The following CTHRC1 variants were observed in gnomAD, a reference collection of about 807,000 sequenced individuals.
The protein encoded by CTHRC1 is collagen triple helix repeat-containing protein 1.
In CTHRC1, 21 loss-of-function variants were observed where a neutral mutation model predicts 25.9. The observed-to-expected ratio is 0.81, with a 90% confidence interval of 0.57 to 1.17. The LOEUF (loss-of-function observed/expected upper bound fraction) is 1.17. Ranked by LOEUF, CTHRC1 falls within the 50% of genes most tolerant of loss-of-function variation. CTHRC1 has a pLI of 0.00. For missense variants in CTHRC1, 281 were observed against 304.3 expected (o/e 0.92, Z 0.57); for synonymous variants, 109 against 113.1 (o/e 0.96, Z 0.23).
intron 1 of CTHRC1, chr8:103,372,411 C>T (rs973504269): frequency 5.1e-5 from 75 of 1,458,036 alleles, no homozygotes; most frequent in Admixed American, 1.2e-4. Context: ...TGGACAACCA[C>T]AGCTGGGGCT....
chr8:103,374,902 A>G (rs1815777381), intron 1 of CTHRC1, among the ~76,000 whole-genome samples: 1 of 152,240 alleles, frequency 6.6e-6, no homozygotes, highest in African/African-American at 2.4e-5. Flanking sequence ...TGGAGCCGGG[A>G]CAAAATCCAA....
chr8:103,378,331 A>T, intron 3 of CTHRC1, 88 bp downstream of exon 3: 1 of 1,054,126 alleles, frequency 9.5e-7, no homozygotes, highest in Middle Eastern at 2.8e-4. Context: ...TCACTAGCCT[A>T]CTGTAAAGGG....
chr8:103,378,610 T>C (rs1300923097), intron 3 of CTHRC1, among the ~76,000 whole-genome samples: 2 of 152,142 alleles, frequency 1.3e-5, no homozygotes, highest in Non-Finnish European at 2.9e-5. Context: ...TGGCTACATA[T>C]TGGGCTCACT....
Position 103,375,725 on chromosome 8 carries a change from T to C in CTHRC1, c.151-13T>C, listed in dbSNP as rs780649365. The C allele has an allele frequency of 1.9e-6, 3 of 1,608,104 alleles. No homozygotes were observed. The highest frequency in any genetic ancestry group is 2.6e-6 in the Non-Finnish European group (3 of 1,174,506). On this transcript the variant is annotated splice_polypyrimidine_tract_variant and intron_variant, in intron 1 of 3. Transcript: ENST00000330295. Reference sequence around the variant, plus strand: ...TGGTGAGAGTTTTCTTTGCCTTTTCTTTCTCATTATAGTATAATGGAATGT... The same window carrying C: ...TGGTGAGAGTTTTCTTTGCCTTTTCCTTCTCATTATAGTATAATGGAATGT...
intron 3 of CTHRC1, among the ~76,000 whole-genome samples, chr8:103,379,670 T>G (rs537945350): frequency 1.3e-5 from 2 of 152,194 alleles, no homozygotes; most frequent in Non-Finnish European, 2.9e-5. Context: ...ATCATTTCCT[T>G]GATTTCCTGA....
Position 103,378,044 on chromosome 8 carries a change from G to A in CTHRC1, c.390G>A (p.Lys130=). ...TGTGACAGGAGTGTACATTTACAAA[G>A]ATGCGTTCAAATAGTGCTCTAAGAG... is the stretch of plus-strand genomic sequence containing the variant. The part of the protein sequence containing the change: ...LGKIAECTFT[K]MRSNSALRVL... The change falls in exon 3 of 4, where the codon AAG becomes AAA. Residue 130 remains lysine, a synonymous_variant. Coordinates refer to ENST00000330295, the MANE Select transcript of CTHRC1 (RefSeq NM_138455.4). 6.2e-7 allele frequency: 1 copy of A among 1,613,632 alleles called. No homozygotes were observed. Among genetic ancestry groups the A allele is most frequent in the Non-Finnish European group, 8.5e-7 (1 of 1,179,524 alleles).
chr8:103,371,719 G>T lies in CTHRC1; in HGVS notation c.63G>T (p.Leu21=). 1 of 1,535,856 alleles carries T rather than the reference G, an allele frequency of 6.5e-7. No individual in the cohort carries two copies. Among genetic ancestry groups the T allele is most frequent in the Admixed American group, 2.0e-5 (1 of 50,148 alleles). Residue 21 remains leucine (L), a synonymous_variant, in exon 1 of 4, where the codon CTG becomes CTT. Transcript: ENST00000330295. ...TCCGCGGCCTCCTGCTGCTCCTGCT[G>T]CTGCAGCTGCCCGCGCCGTCGAGCG... ...QRLRGLLLLL[L]LQLPAPSSAS... is the part of the protein sequence containing the mutation.
At chr8:103,374,148 G>A (rs184733908) in intron 1 of CTHRC1, among the ~76,000 whole-genome samples, 4 of 151,770 alleles carry the variant, frequency 2.6e-5, no homozygotes, top group Admixed American at 6.6e-5. Context: ...GGAAAATGGC[G>A]ATGTCAAAGA....
At chr8:103,375,521 G>A (rs1426017721) in intron 1 of CTHRC1, among the ~76,000 whole-genome samples, 1 of 152,102 alleles carries the variant, frequency 6.6e-6, no homozygotes, top group East Asian at 1.9e-4. Flanking sequence ...GTGTGTGTGT[G>A]CGTGTAAAGT....
chr8:103,371,884 A>G, intron 1 of CTHRC1, 78 bp downstream of exon 1: 1 of 1,378,832 alleles, frequency 7.3e-7, no homozygotes, highest in Non-Finnish European at 9.6e-7. Context: ...GCAGGGCGTC[A>G]GTCTGGCTGT....
At position 103,382,825 on chromosome 8, in the gene CTHRC1, C is replaced by T; in HGVS notation, c.*225C>T. On this transcript the variant is annotated 3_prime_UTR_variant, in exon 4 of 4. Coordinates refer to ENST00000330295, the MANE Select transcript of CTHRC1 (RefSeq NM_138455.4). ...TTTTAGTTGGTTAGAATACTTTCTT[C>T]ATAGTCACATTCTCTCAACCTATAA... The T allele has an allele frequency of 2.0e-6, 1 of 499,516 alleles. No individual in the cohort carries two copies. Among genetic ancestry groups the T allele is most frequent in the Admixed American group, 3.3e-5 (1 of 30,726 alleles). 30.9% of individuals were successfully genotyped at this position (499,516 alleles called of 1,614,324 possible).
At chr8:103,380,408 C>T (rs1815886441) in intron 3 of CTHRC1, among the ~76,000 whole-genome samples, 1 of 152,234 alleles carries the variant, frequency 6.6e-6, no homozygotes, top group African/African-American at 2.4e-5. Flanking sequence ...TTAAAAGTTA[C>T]CTCTGTAACA....
chr8:103,376,062 A>T (rs1343796967), intron 2 of CTHRC1, 103 bp downstream of exon 2: 1 of 744,316 alleles, frequency 1.3e-6, no homozygotes, highest in Non-Finnish European at 2.1e-6. Context: ...AAAAGACTTA[A>T]AAAAGAGAAG....
At chr8:103,379,705 T>C (rs1815872288) in intron 3 of CTHRC1, among the ~76,000 whole-genome samples, 1 of 152,134 alleles carries the variant, frequency 6.6e-6, no homozygotes, top group South Asian at 2.1e-4. Context: ...AATCTTATAA[T>C]TAAAAATGGT....
chr8:103,378,995 C>A (rs1379925866), intron 3 of CTHRC1, among the ~76,000 whole-genome samples: 5 of 148,600 alleles, frequency 3.4e-5, no homozygotes, highest in Admixed American at 1.3e-4. Flanking sequence ...GATGCAGTCT[C>A]AAAAAAAAAA....
intron 3 of CTHRC1, among the ~76,000 whole-genome samples, chr8:103,381,368 T>C (rs2130411058): frequency 6.6e-6 from 1 of 151,454 alleles, no homozygotes; most frequent in African/African-American, 2.4e-5. Flanking sequence ...CCAGGATTCA[T>C]TTTCTTGAAT....
chr8:103,373,691 A>G (rs1752546514), intron 1 of CTHRC1, among the ~76,000 whole-genome samples: 1 of 147,238 alleles, frequency 6.8e-6, no homozygotes, highest in East Asian at 2.0e-4. Flanking sequence ...CATCGTTTGT[A>G]CATACTAGAT....
Position 103,371,667 on chromosome 8 carries a change from A to G in CTHRC1, c.11A>G (p.Gln4Arg). The change falls in exon 1 of 4, where the codon CAG (glutamine) becomes CGG (arginine). Residue 4 changes from glutamine to arginine, a missense_variant. By Grantham distance (43) the Gln-to-Arg change is conservative (BLOSUM62 1). Transcript: ENST00000330295. MRPQGPAASPQRLR... is the reference protein window; with the variant it reads MRPRGPAASPQRLR... The stretch of plus-strand genomic sequence containing the variant: ...CGGCAGCCGGGAGCCATGCGACCCC[A>G]GGGCCCCGCCGCCTCCCCGCAGCGG... 1 of 1,533,732 alleles carries G rather than the reference A, an allele frequency of 6.5e-7. No individual in the cohort carries two copies. The highest frequency in any genetic ancestry group is 2.6e-5 in the East Asian group (1 of 39,156).
At chr8:103,375,247 G>A (rs1415847771) in intron 1 of CTHRC1, among the ~76,000 whole-genome samples, 18 of 151,870 alleles carry the variant, frequency 1.2e-4, no homozygotes, top group Admixed American at 1.2e-3. Context: ...TTATCTTAAG[G>A]AAATAATTCA....
Sources: allele counts gnomAD v4.1 joint callset (sites outside exome capture counted in the v4.1 genomes callset), GRCh38; gene constraint gnomAD v4.1.1; transcripts MANE v1.5; gene names NCBI Gene and HGNC (gene_info 2026-07-23, HGNC 2026-07-21).